The following EPN3 variants were observed in gnomAD, a reference collection of about 807,000 sequenced individuals.
EPN3 encodes epsin 3, also known as epsin-3.
In EPN3, 56 loss-of-function variants were observed where a neutral mutation model predicts 55.5. The observed-to-expected ratio is 1.01, with a 90% CI of 0.81 to 1.26. EPN3 has a LOEUF of 1.26. Among genes scored for constraint, EPN3 ranks in the 50% most tolerant of loss-of-function variants. The pLI is 0.00. For missense variants in EPN3, 927 were observed against 853.4 expected, an observed-to-expected ratio of 1.09 and a Z score of -1.07; for synonymous variants, 449 against 375.2, an observed-to-expected ratio of 1.20 and a Z score of -2.27.
At position 50,542,077 on chromosome 17, in the gene EPN3, C is replaced by T. The variant is rs767256761; in HGVS notation, c.1819C>T (p.Pro607Ser). ...CTTCCCGCAGGCCGGAGCCTTCGCA[C>T]CGCAGCCGCTGCTGCCCACGCCGAG... The part of the protein sequence containing the change: ...SVFPQAGAFA[P>S]QPLLPTPSSA... The change falls in exon 10 of 10, where the codon CCG becomes TCG. Residue 607 changes from proline (P) to serine (S), a missense_variant. Pro to Ser is a moderately conservative substitution (Grantham distance 74). Coordinates refer to ENST00000268933, the MANE Select transcript of EPN3 (RefSeq NM_017957.3). 1 of 1,580,616 alleles carries T rather than the reference C, an allele frequency of 6.3e-7. No individual in the cohort carries two copies. The highest frequency in any genetic ancestry group is 8.5e-7 in the Non-Finnish European group (1 of 1,173,288).
intron 5 of EPN3, 143 bp downstream of exon 5, chr17:50,539,458 C>G: frequency 7.8e-7 from 1 of 1,277,532 alleles, no homozygotes; most frequent in Non-Finnish European, 1.1e-6. Flanking sequence ...GTGTAGCAGC[C>G]CTAGTCCCAC....
At position 50,532,818 on chromosome 17, in the gene EPN3, T is replaced by C. The variant is rs1348668863; in HGVS notation, c.-304T>C. The stretch of plus-strand genomic sequence containing the variant: ...TCCAGGGACCCTGCCGCTGCCCCTC[T>C]GAGGGGTCTGCACCTCCTGGGAGCA... On this transcript the variant is annotated 5_prime_UTR_variant, in exon 1 of 10. Transcript: ENST00000268933. 1 of 1,173,312 alleles carries C rather than the reference T, an allele frequency of 8.5e-7. No homozygotes were observed. Among genetic ancestry groups the C allele is most frequent in the Admixed American group, 2.6e-5 (1 of 39,144 alleles). The allele number at this position is 1,173,312 out of a possible 1,614,324, so 72.7% of individuals were successfully genotyped here.
intron 2 of EPN3, 178 bp from the exon 3 acceptor site, chr17:50,537,901 G>A (rs1029232117): frequency 1.4e-5 from 8 of 577,626 alleles, no homozygotes; most frequent in African/African-American, 5.7e-5. Context: ...CCCTCCATCC[G>A]GGATGGGTTG....
At chr17:50,534,632 G>A (rs76487714) in intron 1 of EPN3, 99,550 of 985,364 alleles carry the variant, frequency 0.1, 5,270 homozygotes, top group Non-Finnish European at 0.11. Flanking sequence ...CCGCTGGAAG[G>A]AAAGAGATAG....
chr17:50,534,490 T>C (rs930926773), intron 1 of EPN3: 4 of 985,370 alleles, frequency 4.1e-6, no homozygotes, highest in Non-Finnish European at 4.8e-6. Context: ...TTGGTGCACA[T>C]TATTTCCCAT....
At chr17:50,537,387 A>C (rs2144031886) in intron 2 of EPN3, 1 of 512,742 alleles carries the variant, frequency 2.0e-6, no homozygotes, top group East Asian at 3.4e-5. Flanking sequence ...TTGGAGTCAG[A>C]TAGCATTCTA....
At position 50,536,927 on chromosome 17, in the gene EPN3, G is replaced by C. The variant is rs374799071; in HGVS notation, c.371G>C (p.Arg124Pro). 6.2e-7 allele frequency: 1 copy of C among 1,614,140 alleles called. No homozygotes were observed. Among genetic ancestry groups the C allele is most frequent in the Non-Finnish European group, 8.5e-7 (1 of 1,180,042 alleles). ...RDGKDQGVNV[R>P]EKVKQVMALL... ...GGCAAGGACCAGGGCGTCAACGTGC[G>C]CGAGAAGGTCAAGCAGGTGATGGCC... The change falls in exon 2 of 10, where the codon CGC (arginine) becomes CCC (proline). Residue 124 changes from arginine (R) to proline (P), a missense_variant. Transcript: ENST00000268933.
In EPN3 at chr17:50,540,973, A is replaced by G; in HGVS notation, c.1160A>G (p.Asp387Gly). The change falls in exon 7 of 10, where the codon GAC becomes GGC. Residue 387 changes from aspartate (D) to glycine (G), a missense_variant. By Grantham distance (94) the Asp-to-Gly change is moderately conservative. Transcript: ENST00000268933. Reference protein sequence around the residue: ...PVLPAGPPTTDPWALNSPHHK... With the variant: ...PVLPAGPPTTGPWALNSPHHK... Reference sequence around the variant, plus strand: ...CTGCCTGCTGGGCCCCCCACCACAGACCCCTGGGCCCTGAACTCTCCCCAC... The same window carrying G: ...CTGCCTGCTGGGCCCCCCACCACAGGCCCCTGGGCCCTGAACTCTCCCCAC... 1.2e-6 allele frequency: 2 copies of G among 1,611,426 alleles called. No individual in the cohort carries two copies. Among genetic ancestry groups the G allele is most frequent in the Non-Finnish European group, 1.7e-6 (2 of 1,179,342 alleles).
intron 5 of EPN3, among the ~76,000 whole-genome samples, chr17:50,539,650 T>A (rs2034818368): frequency 6.6e-6 from 1 of 152,182 alleles, no homozygotes; most frequent in Non-Finnish European, 1.5e-5. Context: ...AGCTCTGACA[T>A]GCTAGGATTA....
chr17:50,537,234 A>G, intron 2 of EPN3, 116 bp downstream of exon 2: 1 of 1,112,274 alleles, frequency 9.0e-7, no homozygotes, highest in East Asian at 2.6e-5. Flanking sequence ...ATGAAGATTC[A>G]GACATAAGGA....
chr17:50,540,742 G>A (rs904553661), intron 6 of EPN3, 51 bp from the exon 7 acceptor site: 10 of 1,532,580 alleles, frequency 6.5e-6, no homozygotes, highest in African/African-American at 1.4e-5. Context: ...AGGGCCCTGG[G>A]CGAGGGATAA....
At chr17:50,537,980 C>T in intron 2 of EPN3, 99 bp from the exon 3 acceptor site, 4 of 1,022,060 alleles carry the variant, frequency 3.9e-6, no homozygotes, top group Non-Finnish European at 6.0e-6. Flanking sequence ...CGTTGTTCCC[C>T]TCCTCTCAGT....
intron 1 of EPN3, among the ~76,000 whole-genome samples, chr17:50,534,854 G>A (rs1255389901): frequency 6.6e-6 from 1 of 152,192 alleles, no homozygotes; most frequent in Non-Finnish European, 1.5e-5. Context: ...CCTGCTTCTG[G>A]CAGCCTGGGG....
chr17:50,540,149 A>G (rs1293253555), intron 5 of EPN3, 98 bp from the exon 6 acceptor site: 5 of 859,438 alleles, frequency 5.8e-6, no homozygotes, highest in Non-Finnish European at 9.5e-6. Context: ...TGTGGAATGA[A>G]TAAAGAGAAT....
Position 50,536,652 on chromosome 17 carries a change from C to G in EPN3, c.96C>G (p.Pro32=), listed in dbSNP as rs540459784. ...IKVREATSND[P]WGPPSSLMSE... ...TGCGCGAGGCCACCAGCAATGACCC[C>G]TGGGGCCCCCCTAGTTCGCTCATGT... The change falls in exon 2 of 10, where the codon CCC becomes CCG. Residue 32 remains proline (P), a synonymous_variant. Coordinates refer to ENST00000268933, the MANE Select transcript of EPN3 (RefSeq NM_017957.3). 1.4e-5 allele frequency: 22 copies of G among 1,613,948 alleles called. No individual in the cohort carries two copies. The highest frequency in any genetic ancestry group is 1.9e-5 in the Non-Finnish European group (22 of 1,180,012).
At chr17:50,535,810 T>C (rs755468865) in intron 1 of EPN3, among the ~76,000 whole-genome samples, 2 of 152,050 alleles carry the variant, frequency 1.3e-5, no homozygotes, top group Non-Finnish European at 2.9e-5. Flanking sequence ...ATTAACAATA[T>C]GAGAAAAGTG....
At chr17:50,535,965 T>TG (rs1226007189) in intron 1 of EPN3, 1 of 153,782 alleles carries the variant, frequency 6.5e-6, no homozygotes, top group Non-Finnish European at 1.4e-5. Flanking sequence ...TGGGGCTTCC[T>TG]GGGGTCATCT....
chr17:50,534,425 G>T (rs1045874984), intron 1 of EPN3: 3 of 985,564 alleles, frequency 3.0e-6, no homozygotes, highest in Non-Finnish European at 3.6e-6. Flanking sequence ...CACAGTGCCC[G>T]ACTGGTTCTG....
chr17:50,536,584 G>A lies in EPN3; in HGVS notation c.28G>A (p.Val10Met). 6.2e-6 allele frequency: 10 copies of A among 1,614,018 alleles called. No homozygotes were observed. Among genetic ancestry groups the A allele is most frequent in the Non-Finnish European group, 6.8e-6 (8 of 1,180,024 alleles). ...GACGACCTCCGCACTCCGGCGCCAG[G>A]TGAAGAACATCGTGCACAACTACTC... The part of the protein sequence containing the change: MTTSALRRQ[V>M]KNIVHNYSEA... The change falls in exon 2 of 10, where the codon GTG becomes ATG. Residue 10 changes from valine to methionine, a missense_variant. Physicochemically the swap from Val to Met is conservative, Grantham distance 21. Transcript: ENST00000268933.
Sources: gnomAD v4.1 joint callset for allele counts (sites outside exome capture counted in the v4.1 genomes callset) on GRCh38, gnomAD v4.1.1 for gene constraint, MANE v1.5 for transcripts, NCBI Gene and HGNC (gene_info 2026-07-23, HGNC 2026-07-21) for gene names.